Variants in PRKG1 observed in about 807,000 individuals in gnomAD.
PRKG1 encodes protein kinase cGMP-dependent 1, also known as cGMP-dependent protein kinase 1.
A neutral mutation model predicts 88.1 loss-of-function variants in PRKG1; 35 were observed. The ratio of observed to expected loss-of-function variants is 0.40; its 90% CI spans 0.30 to 0.53. The LOEUF is 0.53. Among genes scored for constraint, PRKG1 ranks in the 20% least tolerant of loss-of-function variants. PRKG1 has a pLI of 0.59. For synonymous variants in PRKG1, 303 were observed against 292.5 expected (o/e 1.04, Z -0.37); for missense variants, 540 against 839.8 (o/e 0.64, Z 4.41).
chr10:51,876,478 G>T (rs1381436476), intron 4 of PRKG1, among the ~76,000 whole-genome samples: 2 of 152,166 alleles, frequency 1.3e-5, no homozygotes, highest in African/African-American at 4.8e-5. Context: ...TTTTCCTAGG[G>T]TAGGTCTTTT....
intron 1 of PRKG1, among the ~76,000 whole-genome samples, chr10:51,089,425 A>C (rs932834191): frequency 2.0e-5 from 3 of 152,234 alleles, no homozygotes; most frequent in Non-Finnish European, 2.9e-5. Flanking sequence ...TGAAGATCTT[A>C]AAATTATGAG....
intron 2 of PRKG1, among the ~76,000 whole-genome samples, chr10:51,342,439 C>G (rs1276576706): frequency 2.6e-5 from 4 of 152,038 alleles, no homozygotes; most frequent in Non-Finnish European, 5.9e-5. Flanking sequence ...CTAAGAGACA[C>G]AGAATTAAAA....
At chr10:51,557,025 T>A (rs944336340) in intron 3 of PRKG1, among the ~76,000 whole-genome samples, 1 of 151,974 alleles carries the variant, frequency 6.6e-6, no homozygotes, top group African/African-American at 2.4e-5. Flanking sequence ...TGACTCTTCT[T>A]TTTCTCCTTG....
intron 2 of PRKG1, among the ~76,000 whole-genome samples, chr10:51,258,115 T>C (rs1463049899): frequency 3.3e-5 from 5 of 152,124 alleles, no homozygotes; most frequent in Non-Finnish European, 5.9e-5. Flanking sequence ...CGGGAGCTAA[T>C]CGGGTCCATT....
intron 3 of PRKG1, among the ~76,000 whole-genome samples, chr10:51,707,547 T>C (rs930474004): frequency 7.2e-5 from 11 of 151,964 alleles, no homozygotes; most frequent in Non-Finnish European, 1.5e-4. Context: ...TGTAACTAGG[T>C]CTGAATAAAG....
At chr10:52,290,347 T>C (rs745358903) in intron 17 of PRKG1, 57 bp downstream of exon 17, 1 of 1,351,842 alleles carries the variant, frequency 7.4e-7, no homozygotes, top group South Asian at 1.3e-5. Flanking sequence ...TTTATGTCAG[T>C]CAACAATGAT....
chr10:51,093,828 A>ACG (rs1490301074), intron 1 of PRKG1, among the ~76,000 whole-genome samples: 2 of 149,538 alleles, frequency 1.3e-5, no homozygotes, highest in African/African-American at 4.9e-5. Context: ...ACACACACAC[A>ACG]CACACACGCC....
chr10:51,692,776 A>T (rs1313267682), intron 3 of PRKG1, among the ~76,000 whole-genome samples: 1 of 152,122 alleles, frequency 6.6e-6, no homozygotes, highest in African/African-American at 2.4e-5. Context: ...CGTCAGATAT[A>T]TTTTTTTAAA....
At chr10:51,702,494 T>G (rs1841494040) in intron 3 of PRKG1, among the ~76,000 whole-genome samples, 1 of 152,198 alleles carries the variant, frequency 6.6e-6, no homozygotes, top group Admixed American at 6.5e-5. Flanking sequence ...TCCCATAAAG[T>G]TTAAATTTTA....
intron 1 of PRKG1, among the ~76,000 whole-genome samples, chr10:51,134,548 A>G (rs1333199742): frequency 1.3e-5 from 2 of 152,200 alleles, no homozygotes; most frequent in South Asian, 2.1e-4. Flanking sequence ...ATGAATGTGG[A>G]AAGTTGAGCA....
intron 2 of PRKG1, among the ~76,000 whole-genome samples, chr10:51,305,509 T>G (rs940283859): frequency 2.0e-5 from 3 of 152,136 alleles, no homozygotes; most frequent in Non-Finnish European, 4.4e-5. Context: ...AGTAAATAAA[T>G]AACTTTTTCC....
intron 14 of PRKG1, among the ~76,000 whole-genome samples, chr10:52,287,659 C>T (rs1589760894): frequency 2.7e-5 from 4 of 149,096 alleles, no homozygotes; most frequent in African/African-American, 7.4e-5. Context: ...TTTGTACTCA[C>T]TGAAGCTGCC....
At chr10:52,131,835 A>AG (rs1837272765) in intron 7 of PRKG1, among the ~76,000 whole-genome samples, 4 of 148,792 alleles carry the variant, frequency 2.7e-5, no homozygotes, top group Non-Finnish European at 6.0e-5. Context: ...AAAAAAAAAA[A>AG]AAAAAAAAAA....
rs563442901 is a variant in PRKG1 at position 51,489,676 on chromosome 10, A to G, written c.592+21840A>G. ...GTGTTGGATTTGATATTTTTATATCAAAAGAGCTGTCTGAAAGCAATGTGG... is the reference window on the plus strand; with the variant it reads ...GTGTTGGATTTGATATTTTTATATCGAAAGAGCTGTCTGAAAGCAATGTGG... On this transcript the variant is annotated intron_variant, in intron 3 of 17. Coordinates refer to ENST00000373980, the MANE Select transcript of PRKG1 (RefSeq NM_006258.4). Among the ~76,000 whole-genome samples, 10 of 152,296 alleles carry G rather than the reference A, an allele frequency of 6.6e-5. No homozygotes were observed. In the South Asian group the frequency reaches 2.1e-3, roughly 32 times the overall value.
chr10:51,353,760 T>C (rs929037268), intron 2 of PRKG1, among the ~76,000 whole-genome samples: 3 of 151,928 alleles, frequency 2.0e-5, no homozygotes, highest in African/African-American at 4.8e-5. Flanking sequence ...AACCTGAAAA[T>C]AGTGATACCA....
chr10:51,154,879 C>A (rs1030238378), intron 2 of PRKG1, among the ~76,000 whole-genome samples: 3 of 151,690 alleles, frequency 2.0e-5, no homozygotes, highest in East Asian at 1.9e-4. Context: ...GGATAGTGAG[C>A]AGAAAGGATG....
intron 4 of PRKG1, among the ~76,000 whole-genome samples, chr10:51,817,845 C>T (rs1219093603): frequency 2.6e-5 from 4 of 152,098 alleles, no homozygotes; most frequent in African/African-American, 9.7e-5. Flanking sequence ...TTTCCTTCCT[C>T]TTCTTCTCTT....
intron 3 of PRKG1, among the ~76,000 whole-genome samples, chr10:51,781,779 T>A (rs2211615): frequency 0.16 from 24,285 of 152,018 alleles, 2,822 homozygotes; most frequent in African/African-American, 0.33. Flanking sequence ...CCTTGAGAAA[T>A]CCAGAGGGAG....
chr10:51,264,104 G>A (rs879677707), intron 2 of PRKG1, among the ~76,000 whole-genome samples: 3 of 152,118 alleles, frequency 2.0e-5, no homozygotes, highest in Non-Finnish European at 2.9e-5. Context: ...GAGGAAAGAC[G>A]AATATTATCA....
Sources: gnomAD v4.1 joint callset for allele counts (sites outside exome capture counted in the v4.1 genomes callset) on GRCh38, gnomAD v4.1.1 for gene constraint, MANE v1.5 for transcripts, NCBI Gene and HGNC (gene_info 2026-07-23, HGNC 2026-07-21) for gene names.